The following CDKL1 variants were observed in gnomAD, a reference collection of about 807,000 sequenced individuals.
CDKL1 encodes cyclin-dependent kinase-like 1.
Under a neutral mutation model 42.0 loss-of-function variants are expected in CDKL1, and 41 were observed. The ratio of observed to expected loss-of-function variants is 0.98; its 90% CI spans 0.76 to 1.27. The LOEUF (loss-of-function observed/expected upper bound fraction) is 1.27, where lower values mean the gene tolerates loss of function less well. Among genes scored for constraint, CDKL1 ranks in the 50% most tolerant of loss-of-function variants. The pLI is 0.00. For missense variants in CDKL1, 394 were observed against 428.4 expected (o/e 0.92, Z 0.71); for synonymous variants, 153 against 158.6 (o/e 0.96, Z 0.26).
intron 2 of CDKL1, among the ~76,000 whole-genome samples, chr14:50,385,790 C>T (rs1019878305): frequency 2.9e-5 from 3 of 102,272 alleles, no homozygotes; most frequent in African/African-American, 1.2e-4. Flanking sequence ...GGCAACAGAG[C>T]AAGACTCCGT....
chr14:50,369,606 ATG>A lies in CDKL1; in HGVS notation c.169-10459_169-10458del, dbSNP rs1491342492. 5.7e-5 allele frequency among the ~76,000 whole-genome samples: 5 copies of A among 87,408 alleles called. No homozygotes were observed. In the East Asian group the frequency reaches 1.3e-3, roughly 23 times the overall value. 57.3% of individuals were successfully genotyped at this position (87,408 alleles called of 152,430 possible). ...TATTATATATAATATATATACACAC[ATG>A]CACACACACACACACACACACACAC... On this transcript the variant is annotated intron_variant, in intron 2 of 9. Transcript: ENST00000395834.
intron 2 of CDKL1, among the ~76,000 whole-genome samples, chr14:50,371,912 A>G (rs1566600316): frequency 2.0e-5 from 3 of 152,142 alleles, no homozygotes; most frequent in Non-Finnish European, 4.4e-5. Context: ...AAGCCCAGGG[A>G]CTGTCATGAC....
chr14:50,397,157 C>T (rs1049697386), upstream of CDKL1: 5 of 1,366,290 alleles, frequency 3.7e-6, no homozygotes. Context: ...CGGAGCAAGA[C>T]GCCTGCGCTA....
At chr14:50,393,787 G>A in intron 2 of CDKL1, among the ~76,000 whole-genome samples, 1 of 152,162 alleles carries the variant, frequency 6.6e-6, no homozygotes, top group East Asian at 1.9e-4. Flanking sequence ...TGGAGAGTGG[G>A]GTGCTGCATG....
At chr14:50,342,972 CCCT>C (rs1566580055) in intron 4 of CDKL1, 6 of 1,356,832 alleles carry the variant, frequency 4.4e-6, no homozygotes, top group Non-Finnish European at 5.9e-6. Context: ...CTGCAGCCAC[CCCT>C]CGAGATGCGG....
intron 7 of CDKL1, chr14:50,336,269 G>A: frequency 8.0e-7 from 1 of 1,244,632 alleles, no homozygotes. Flanking sequence ...GCCTCTTCCT[G>A]TGTTTCTGTC....
At chr14:50,334,491 C>A in intron 8 of CDKL1, 74 bp downstream of exon 8, 1 of 868,122 alleles carries the variant, frequency 1.2e-6, no homozygotes, top group Non-Finnish European at 1.9e-6. Flanking sequence ...CATGGATTGA[C>A]ATAAGTAATT....
In CDKL1 at chr14:50,376,180, G is replaced by A. The variant is rs557977701; in HGVS notation, c.169-17031C>T. 2.6e-5 allele frequency among the ~76,000 whole-genome samples: 4 copies of A among 152,342 alleles called. No homozygotes were observed. In the East Asian group the frequency reaches 7.7e-4, roughly 29 times the overall value. ...GATAATGCATCAGCATTGGTTCATT[G>A]ATTATAGTAACTATACCATGCTAAT... On this transcript the variant is annotated intron_variant, in intron 2 of 9. Coordinates refer to ENST00000395834, the MANE Select transcript of CDKL1 (RefSeq NM_004196.7).
intron 2 of CDKL1, among the ~76,000 whole-genome samples, chr14:50,373,292 C>T (rs1233654947): frequency 6.6e-6 from 1 of 151,778 alleles, no homozygotes; most frequent in Non-Finnish European, 1.5e-5. Context: ...AAAAGACGAC[C>T]CAGTGGGAAA....
chr14:50,352,335 A>AATAT (rs148438330), intron 3 of CDKL1, among the ~76,000 whole-genome samples: 3 of 151,730 alleles, frequency 2.0e-5, no homozygotes, highest in African/African-American at 7.3e-5. Flanking sequence ...TATAAGAAAA[A>AATAT]ATATATATAT....
At chr14:50,344,772 C>G (rs2033673447) in intron 4 of CDKL1, among the ~76,000 whole-genome samples, 1 of 152,066 alleles carries the variant, frequency 6.6e-6, no homozygotes, top group Admixed American at 6.6e-5. Flanking sequence ...ATGCCTGGCA[C>G]TAGTTTCTTA....
chr14:50,336,901 C>A (rs183373470), intron 7 of CDKL1, among the ~76,000 whole-genome samples: 11 of 150,606 alleles, frequency 7.3e-5, no homozygotes, highest in Non-Finnish European at 1.5e-4. Flanking sequence ...GATGTTGTCA[C>A]ATTATTTTGT....
At chr14:50,382,491 C>T (rs1231435179) in intron 2 of CDKL1, among the ~76,000 whole-genome samples, 1 of 151,978 alleles carries the variant, frequency 6.6e-6, no homozygotes, top group Non-Finnish European at 1.5e-5. Context: ...AAGTGAAAGA[C>T]ACAAGCCTTG....
chr14:50,335,961 CAGT>C, intron 7 of CDKL1: 2 of 1,363,926 alleles, frequency 1.5e-6, no homozygotes, highest in Admixed American at 3.9e-5. Context: ...TAGCCCTTGA[CAGT>C]AGCCCCTGTT....
At chr14:50,330,245 A>C (rs1595236957) in intron 9 of CDKL1, 64 bp from the exon 10 acceptor site, 1 of 1,553,292 alleles carries the variant, frequency 6.4e-7, no homozygotes, top group East Asian at 2.3e-5. Context: ...ATTATTTAGA[A>C]TATATCACAA....
intron 2 of CDKL1, among the ~76,000 whole-genome samples, chr14:50,359,948 G>C (rs2034187481): frequency 6.6e-6 from 1 of 151,796 alleles, no homozygotes; most frequent in South Asian, 2.1e-4. Flanking sequence ...GAAAATAAGA[G>C]ACTTACACTA....
intron 2 of CDKL1, among the ~76,000 whole-genome samples, chr14:50,393,697 C>G (rs2035322793): frequency 1.3e-5 from 2 of 152,158 alleles, no homozygotes; most frequent in African/African-American, 4.8e-5. Context: ...AAAGTTACAG[C>G]TTTAAAGAAC....
intron 3 of CDKL1, among the ~76,000 whole-genome samples, chr14:50,346,651 G>GTTTTTTTTTTTTTTTTTTTTTT (rs375954757): frequency 1.6e-5 from 2 of 123,636 alleles, no homozygotes. Context: ...TTAAATTTTT[G>GTTTTTTTTTTTTTTTTTTTTTT]GTTTTTTTTT....
intron 2 of CDKL1, among the ~76,000 whole-genome samples, chr14:50,361,895 C>A (rs2034260358): frequency 6.6e-6 from 1 of 152,242 alleles, no homozygotes; most frequent in Non-Finnish European, 1.5e-5. Flanking sequence ...ACTGTGGGAG[C>A]CCCTTTCTGG....
Sources: gnomAD v4.1 joint callset for allele counts (sites outside exome capture counted in the v4.1 genomes callset) on GRCh38, gnomAD v4.1.1 for gene constraint, MANE v1.5 for transcripts, NCBI Gene and HGNC (gene_info 2026-07-23, HGNC 2026-07-21) for gene names.